GRXCR2: variants seen among roughly 807,000 people sequenced by gnomAD.
The protein encoded by GRXCR2 is glutaredoxin domain-containing cysteine-rich protein 2.
GRXCR2 carries 23 observed loss-of-function variants against 24.8 expected under a neutral mutation model. The observed-to-expected ratio is 0.93, with a 90% confidence interval of 0.67 to 1.32. The LOEUF (loss-of-function observed/expected upper bound fraction) is 1.32, where lower values mean the gene tolerates loss of function less well. Among genes scored for constraint, GRXCR2 ranks in the 40% most tolerant of loss-of-function variants. The probability of loss-of-function intolerance (pLI) is 0.00; values close to 1 mark genes in which losing one functional copy is unlikely to be tolerated. For synonymous variants in GRXCR2, 130 were observed against 116.1 expected, an observed-to-expected ratio of 1.12 and a Z score of -0.77; for missense variants, 315 against 303.4, an observed-to-expected ratio of 1.04 and a Z score of -0.28.
chr5:145,873,745 C>G (rs1432502530), upstream of GRXCR2, among the ~76,000 whole-genome samples: 1 of 152,216 alleles, frequency 6.6e-6, no homozygotes, highest in Admixed American at 6.5e-5. Flanking sequence ...AGCACCTCCA[C>G]TTGGTATGTA....
intron 2 of GRXCR2, among the ~76,000 whole-genome samples, chr5:145,908,826 G>C (rs1185512792): frequency 6.6e-6 from 1 of 152,214 alleles, no homozygotes. Flanking sequence ...GGAGGTAGAA[G>C]AAAGGCAATG....
intron 2 of GRXCR2, among the ~76,000 whole-genome samples, chr5:145,906,862 T>C (rs1225180302): frequency 6.6e-6 from 1 of 152,014 alleles, no homozygotes; most frequent in Non-Finnish European, 1.5e-5. Flanking sequence ...GTATGCAAGA[T>C]AGTGATCCGA....
At chr5:145,873,532 T>C (rs1279710236), upstream of GRXCR2, among the ~76,000 whole-genome samples, 10 of 152,224 alleles carry the variant, frequency 6.6e-5, no homozygotes. Context: ...TACACCTAAG[T>C]AAGTGACAGA....
chr5:145,911,298 C>T (rs969835775), intron 2 of GRXCR2, among the ~76,000 whole-genome samples: 2 of 152,072 alleles, frequency 1.3e-5, no homozygotes, highest in African/African-American at 2.4e-5. Context: ...GGTGCTTAGT[C>T]GGAGAAAGAG....
chr5:145,889,182 AAGAAAGAAAGAAAGAAAG>A (rs1756823388), intron 2 of GRXCR2, among the ~76,000 whole-genome samples: 1 of 118,548 alleles, frequency 8.4e-6, no homozygotes, highest in African/African-American at 3.2e-5. Flanking sequence ...AAAAGAAAGA[AAGAAAGAAAGAAAGAAAG>A]AAAGAAAGAA....
At chr5:145,869,652 G>T (rs1167845060) in intron 1 of GRXCR2, among the ~76,000 whole-genome samples, 1 of 151,420 alleles carries the variant, frequency 6.6e-6, no homozygotes, top group East Asian at 1.9e-4. Context: ...CCGCCTCACG[G>T]GTTCACACCA....
chr5:145,892,983 T>A (rs1209007309), intron 2 of GRXCR2, among the ~76,000 whole-genome samples: 2 of 152,210 alleles, frequency 1.3e-5, no homozygotes, highest in Non-Finnish European at 2.9e-5. Flanking sequence ...ATATTCAACA[T>A]TCTTAAAGAA....
chr5:145,885,449 G>A (rs1756766701), intron 2 of GRXCR2, among the ~76,000 whole-genome samples: 1 of 152,114 alleles, frequency 6.6e-6, no homozygotes. Flanking sequence ...CTGCTGGCTT[G>A]TTCCACGTTT....
chr5:145,862,161 A>G (rs544299650), intron 2 of GRXCR2, among the ~76,000 whole-genome samples: 12 of 152,364 alleles, frequency 7.9e-5, no homozygotes, highest in African/African-American at 2.9e-4. Flanking sequence ...ACATAAGTCC[A>G]CACTGTGAGG....
chr5:145,895,414 G>A (rs973399064), intron 2 of GRXCR2, among the ~76,000 whole-genome samples: 2 of 152,170 alleles, frequency 1.3e-5, no homozygotes, highest in Non-Finnish European at 2.9e-5. Context: ...ATCTCCTTAA[G>A]CTGATAGGCA....
chr5:145,910,922 C>T (rs112264485), intron 2 of GRXCR2, among the ~76,000 whole-genome samples: 13 of 152,034 alleles, frequency 8.6e-5, no homozygotes, highest in Admixed American at 2.0e-4. Flanking sequence ...TGGATGAGGA[C>T]GCCAAGGCCC....
chr5:145,891,849 T>C (rs1756869511), intron 2 of GRXCR2, among the ~76,000 whole-genome samples: 1 of 152,198 alleles, frequency 6.6e-6, no homozygotes, highest in African/African-American at 2.4e-5. Flanking sequence ...AGTTGGTCCC[T>C]GACCCCCGAG....
intron 2 of GRXCR2, among the ~76,000 whole-genome samples, chr5:145,923,779 G>A (rs573270334): frequency 1.4e-4 from 22 of 151,994 alleles, no homozygotes; most frequent in African/African-American, 5.1e-4. Flanking sequence ...TATCCATATC[G>A]ATATATACTA....
intron 2 of GRXCR2, among the ~76,000 whole-genome samples, chr5:145,860,726 TG>T (rs59592878): frequency 0.01 from 1,574 of 152,340 alleles, 38 homozygotes; most frequent in African/African-American, 0.036. Context: ...GGCTATTGTC[TG>T]CCATCAGCTG....
At chr5:145,891,450 C>T (rs900570832) in intron 2 of GRXCR2, among the ~76,000 whole-genome samples, 3 of 152,186 alleles carry the variant, frequency 2.0e-5, no homozygotes, top group African/African-American at 7.2e-5. Context: ...CTGTACTTTT[C>T]CAACAATCTT....
At position 145,866,611 on chromosome 5, in the gene GRXCR2, C is replaced by T. The variant is rs1222094493; in HGVS notation, c.454G>A (p.Ala152Thr). ...VRKILQKEEEAEEESLMNKEE... is the reference protein window; with the variant it reads ...VRKILQKEEETEEESLMNKEE... ...TTGTTCATCAGAGACTCTTCCTCAG[C>T]CTCCTCTTCCTTCTGGAGAATTTTC... The change falls in exon 2 of 3, where the codon GCT becomes ACT. Residue 152 changes from alanine (A) to threonine (T), a missense_variant. Transcript: ENST00000377976. The T allele has an allele frequency of 6.2e-7, 1 of 1,613,872 alleles. No individual in the cohort carries two copies. The highest frequency in any genetic ancestry group is 8.5e-7 in the Non-Finnish European group (1 of 1,179,888).
At chr5:145,885,057 T>C (rs1017560456) in intron 2 of GRXCR2, among the ~76,000 whole-genome samples, 2 of 151,982 alleles carry the variant, frequency 1.3e-5, no homozygotes, top group East Asian at 3.9e-4. Flanking sequence ...ACATATCTTT[T>C]TAATCTGCTC....
At chr5:145,881,681 T>C (rs190050876) in intron 2 of GRXCR2, among the ~76,000 whole-genome samples, 2 of 152,304 alleles carry the variant, frequency 1.3e-5, no homozygotes, top group Admixed American at 1.3e-4. Flanking sequence ...TTAAAGTTCA[T>C]ATGGAACCAA....
chr5:145,892,872 C>A (rs1756890650), intron 2 of GRXCR2, among the ~76,000 whole-genome samples: 1 of 152,184 alleles, frequency 6.6e-6, no homozygotes, highest in Non-Finnish European at 1.5e-5. Context: ...ATGTTAAGGG[C>A]AGCCAGAGAG....
Sources: gnomAD v4.1 joint callset for allele counts (sites outside exome capture counted in the v4.1 genomes callset) on GRCh38, gnomAD v4.1.1 for gene constraint, MANE v1.5 for transcripts, NCBI Gene and HGNC (gene_info 2026-07-23, HGNC 2026-07-21) for gene names.